The following PDE1A variants were observed in gnomAD, a reference collection of about 807,000 sequenced individuals.
PDE1A encodes the protein dual specificity calcium/calmodulin-dependent 3',5'-cyclic nucleotide phosphodiesterase 1A.
Under a neutral mutation model 61.7 loss-of-function variants are expected in PDE1A, and 35 were observed. The ratio of observed to expected loss-of-function variants is 0.57; its 90% CI spans 0.43 to 0.75. The LOEUF is 0.75. PDE1A is among the 30% of genes least tolerant of loss of function. The pLI is 0.00. For missense variants in PDE1A, 597 were observed against 630.6 expected (o/e 0.95, Z 0.57); for synonymous variants, 232 against 213.2 (o/e 1.09, Z -0.77).
intron 1 of PDE1A, among the ~76,000 whole-genome samples, chr2:182,400,898 T>A (rs1701965022): frequency 6.6e-6 from 1 of 152,186 alleles, no homozygotes; most frequent in Non-Finnish European, 1.5e-5. Context: ...AGAGCATTTC[T>A]CATCTTCAAG....
the PDE1A span, among the ~76,000 whole-genome samples, chr2:182,670,936 G>T: frequency 1.3e-5 from 2 of 151,922 alleles, no homozygotes; most frequent in Non-Finnish European, 2.9e-5. Flanking sequence ...TCCTGCCTCA[G>T]CCTCCCGAGT....
intron 2 of PDE1A, among the ~76,000 whole-genome samples, chr2:182,480,501 G>A (rs1428477867): frequency 2.0e-5 from 3 of 151,840 alleles, no homozygotes; most frequent in Non-Finnish European, 2.9e-5. Flanking sequence ...AACCAACTGT[G>A]GATGGAAAAT....
At chr2:182,202,102 G>T (rs969073079) in intron 8 of PDE1A, among the ~76,000 whole-genome samples, 2 of 152,072 alleles carry the variant, frequency 1.3e-5, no homozygotes, top group African/African-American at 4.8e-5. Flanking sequence ...TTTTTAATCT[G>T]AAAGGAACTT....
intron 1 of PDE1A, among the ~76,000 whole-genome samples, chr2:182,358,099 C>T (rs2125145972): frequency 6.6e-6 from 1 of 152,282 alleles, no homozygotes; most frequent in South Asian, 2.1e-4. Flanking sequence ...TTTGGGTGGA[C>T]ATGATTGCAC....
intron 1 of PDE1A, among the ~76,000 whole-genome samples, chr2:182,286,565 G>A (rs149918445): frequency 5.9e-5 from 9 of 152,150 alleles, no homozygotes; most frequent in Middle Eastern, 3.4e-3. Flanking sequence ...GAGTGATTTC[G>A]GACCTAAGCT....
chr2:182,652,940 C>A, the PDE1A span, among the ~76,000 whole-genome samples: 2 of 152,204 alleles, frequency 1.3e-5, no homozygotes, highest in East Asian at 1.9e-4. Flanking sequence ...ATGGTCACTG[C>A]AATTTCTGGT....
At chr2:182,696,033 C>A in the PDE1A span, among the ~76,000 whole-genome samples, 2 of 152,158 alleles carry the variant, frequency 1.3e-5, no homozygotes, top group East Asian at 1.9e-4. Context: ...ATGACACAGC[C>A]ACTTTGGAAG....
chr2:182,528,356 G>A, the PDE1A span, among the ~76,000 whole-genome samples: 1 of 152,134 alleles, frequency 6.6e-6, no homozygotes, highest in South Asian at 2.1e-4. Context: ...CTAGAGATTT[G>A]TGGAATTTGG....
intron 1 of PDE1A, among the ~76,000 whole-genome samples, chr2:182,267,487 G>C (rs1030843021): frequency 2.5e-4 from 38 of 150,144 alleles, no homozygotes; most frequent in African/African-American, 7.5e-4. Flanking sequence ...AACCCCAAAA[G>C]ACTGGATAGA....
chr2:182,516,750 A>AAGGAAGGAAGGAAGGAAGGAAG (rs1690198500), intron 2 of PDE1A, among the ~76,000 whole-genome samples: 1 of 143,464 alleles, frequency 7.0e-6, no homozygotes. Flanking sequence ...GGAAAAAGAG[A>AAGGAAGGAAGGAAGGAAGGAAG]GAAAGAAAGA....
At chr2:182,466,550 C>G (rs1361750882) in intron 2 of PDE1A, among the ~76,000 whole-genome samples, 1 of 151,886 alleles carries the variant, frequency 6.6e-6, no homozygotes, top group African/African-American at 2.4e-5. Flanking sequence ...AAATAGTAAA[C>G]CATCTCACCT....
intron 7 of PDE1A, among the ~76,000 whole-genome samples, chr2:182,218,579 C>G (rs1688442454): frequency 6.6e-6 from 1 of 152,134 alleles, no homozygotes; most frequent in East Asian, 1.9e-4. Flanking sequence ...ACCCCAGTCC[C>G]TCATAACCAC....
intron 1 of PDE1A, among the ~76,000 whole-genome samples, chr2:182,295,931 T>C (rs999686603): frequency 2.6e-5 from 4 of 152,156 alleles, no homozygotes; most frequent in Non-Finnish European, 4.4e-5. Context: ...AGTCTAGTCA[T>C]ACAGATGTGG....
At chr2:182,240,278 G>C in exon 3 of PDE1A, 1 of 1,563,364 alleles carries the variant, frequency 6.4e-7, no homozygotes, top group Non-Finnish European at 8.6e-7. Context: ...CTCATCTTCA[G>C]TATCCAGAAG....
intron 1 of PDE1A, among the ~76,000 whole-genome samples, chr2:182,310,293 T>TAG (rs1213978617): frequency 3.3e-5 from 5 of 152,180 alleles, no homozygotes; most frequent in Admixed American, 3.3e-4. Context: ...TAATAACTTA[T>TAG]TAATATCTTC....
At chr2:182,188,214 C>T (rs150376208) in intron 11 of PDE1A, among the ~76,000 whole-genome samples, 1 of 152,216 alleles carries the variant, frequency 6.6e-6, no homozygotes, top group Non-Finnish European at 1.5e-5. Context: ...AGGATAGGCA[C>T]CTGTGTTATG....
chr2:182,545,537 A>G, the PDE1A span, among the ~76,000 whole-genome samples: 1 of 152,206 alleles, frequency 6.6e-6, no homozygotes, highest in Non-Finnish European at 1.5e-5. Flanking sequence ...ATAGTGGAAA[A>G]GACATGAGAT....
the PDE1A span, among the ~76,000 whole-genome samples, chr2:182,612,711 G>T: frequency 2.6e-5 from 4 of 152,242 alleles, no homozygotes; most frequent in East Asian, 1.9e-4. Context: ...AAAAGTAGGC[G>T]CATGATATTT....
intron 10 of PDE1A, among the ~76,000 whole-genome samples, chr2:182,199,240 C>T (rs1314365524): frequency 2.0e-5 from 3 of 151,796 alleles, no homozygotes; most frequent in African/African-American, 7.2e-5. Context: ...CAAGTAATTT[C>T]ATTACTTTTT....
Sources: gnomAD v4.1 joint callset for allele counts (sites outside exome capture counted in the v4.1 genomes callset) on GRCh38, gnomAD v4.1.1 for gene constraint, MANE v1.5 for transcripts, NCBI Gene and HGNC (gene_info 2026-07-23, HGNC 2026-07-21) for gene names.